Variants in BORCS5 observed in about 807,000 individuals in gnomAD.
BORCS5 encodes BLOC-1-related complex subunit 5.
In BORCS5, 17 loss-of-function variants were observed where a neutral mutation model predicts 22.1. That is an observed-to-expected ratio of 0.77 (90% CI 0.53 to 1.15). The LOEUF (loss-of-function observed/expected upper bound fraction) is 1.15, where lower values mean the gene tolerates loss of function less well. Among genes scored for constraint, BORCS5 ranks in the 50% most tolerant of loss-of-function variants. The pLI is 0.00. For synonymous variants in BORCS5, 117 were observed against 99.8 expected (o/e 1.17, Z -1.03); for missense variants, 247 against 253.2 (o/e 0.98, Z 0.17).
chr12:12,448,533 TTTTTTTTTC>T, intron 3 of BORCS5, among the ~76,000 whole-genome samples: 1 of 149,946 alleles, frequency 6.7e-6, no homozygotes, highest in Middle Eastern at 3.6e-3. Flanking sequence ...AATTCTTTTT[TTTTTTTTTC>T]TTTTTTTTGA....
intron 3 of BORCS5, among the ~76,000 whole-genome samples, chr12:12,445,215 A>T (rs968064841): frequency 1.3e-5 from 2 of 151,844 alleles, no homozygotes; most frequent in South Asian, 4.2e-4. Context: ...TAATTTTTAA[A>T]TTTTTTTGTA....
intron 2 of BORCS5, among the ~76,000 whole-genome samples, chr12:12,421,316 T>C (rs1942116744): frequency 1.3e-5 from 2 of 152,198 alleles, no homozygotes; most frequent in Non-Finnish European, 2.9e-5. Context: ...ATCATGTGTT[T>C]TTTGTGGTCG....
intron 3 of BORCS5, among the ~76,000 whole-genome samples, chr12:12,438,371 AAAAAAAAAACGAAAAAC>A (rs1942604160): frequency 8.5e-6 from 1 of 117,054 alleles, no homozygotes; most frequent in African/African-American, 4.5e-5. Flanking sequence ...AAAAAAAAAA[AAAAAAAAAACGAAAAAC>A]AACAACAAAA....
chr12:12,449,987 T>G (rs1942878393), intron 3 of BORCS5, among the ~76,000 whole-genome samples: 1 of 152,240 alleles, frequency 6.6e-6, no homozygotes, highest in Admixed American at 6.5e-5. Flanking sequence ...TGACACTGAT[T>G]AATGATAGAT....
At chr12:12,442,469 G>A (rs533811919) in intron 3 of BORCS5, among the ~76,000 whole-genome samples, 74 of 152,192 alleles carry the variant, frequency 4.9e-4, no homozygotes, top group Admixed American at 3.3e-4. Context: ...ATTCTTAGAT[G>A]TGTTGATAAG....
At chr12:12,381,638 G>C (rs1347031731) in intron 2 of BORCS5, among the ~76,000 whole-genome samples, 2 of 151,358 alleles carry the variant, frequency 1.3e-5, no homozygotes, top group African/African-American at 4.9e-5. Context: ...ATTTTCTCTT[G>C]TATTACTGCT....
intron 2 of BORCS5, among the ~76,000 whole-genome samples, chr12:12,432,348 G>A (rs533121245): frequency 7.9e-5 from 12 of 152,236 alleles, no homozygotes; most frequent in African/African-American, 2.6e-4. Context: ...CCAAGTTTGC[G>A]TTCCTGGAAA....
chr12:12,463,107 A>G (rs577318247), intron 3 of BORCS5, among the ~76,000 whole-genome samples: 2 of 152,346 alleles, frequency 1.3e-5, no homozygotes, highest in African/African-American at 4.8e-5. Flanking sequence ...ATATATCCCT[A>G]GATTGTCAAA....
At chr12:12,358,342 C>G (rs1863194917) in intron 1 of BORCS5, among the ~76,000 whole-genome samples, 1 of 152,302 alleles carries the variant, frequency 6.6e-6, no homozygotes, top group Admixed American at 6.5e-5. Context: ...CAGAAATAGG[C>G]AAGCTAATAG....
chr12:12,411,780 A>C (rs912329230), intron 2 of BORCS5, among the ~76,000 whole-genome samples: 2 of 152,218 alleles, frequency 1.3e-5, no homozygotes, highest in African/African-American at 4.8e-5. Context: ...CATTTAGGTC[A>C]TGGATTCATT....
At position 12,469,821 on chromosome 12, in the gene BORCS5, C is replaced by T. The variant is rs1047266177; in HGVS notation, c.*4045C>T. The T allele has an allele frequency of 6.6e-6, 1 of 152,204 alleles. No homozygotes were observed. The highest frequency in any genetic ancestry group is 2.4e-5 in the African/African-American group (1 of 41,448). 9.4% of individuals were successfully genotyped at this position (152,204 alleles called of 1,614,324 possible). On this transcript the variant is annotated 3_prime_UTR_variant, in exon 4 of 4. Transcript: ENST00000314565. ...TTAGGGAGAAATGAAAACTTTTCTT[C>T]TTGTGGACTTTTTAGGTATGAAATT...
intron 2 of BORCS5, among the ~76,000 whole-genome samples, chr12:12,385,427 G>A (rs934432504): frequency 6.6e-6 from 1 of 151,308 alleles, no homozygotes; most frequent in African/African-American, 2.4e-5. Flanking sequence ...TCCCATTCTG[G>A]TACAACATCT....
intron 2 of BORCS5, among the ~76,000 whole-genome samples, chr12:12,426,319 C>T (rs1290375070): frequency 6.6e-6 from 1 of 152,216 alleles, no homozygotes; most frequent in African/African-American, 2.4e-5. Flanking sequence ...GTCCTCTCAC[C>T]TCTGCATACC....
intron 3 of BORCS5, among the ~76,000 whole-genome samples, chr12:12,448,826 C>A (rs73063405): frequency 6.6e-6 from 1 of 152,134 alleles, no homozygotes; most frequent in Admixed American, 6.6e-5. Context: ...TGTGCCTGGC[C>A]GTGTCTTCAA....
At chr12:12,367,829 A>G (rs986142455) in intron 2 of BORCS5, among the ~76,000 whole-genome samples, 1 of 152,008 alleles carries the variant, frequency 6.6e-6, no homozygotes, top group Non-Finnish European at 1.5e-5. Context: ...CACTCTTTCC[A>G]TTTGCTGGGA....
chr12:12,435,481 A>G (rs1942534938), intron 2 of BORCS5, 147 bp from the exon 3 acceptor site: 5 of 708,400 alleles, frequency 7.1e-6, no homozygotes, highest in Non-Finnish European at 1.1e-5. Flanking sequence ...CATAAATAAT[A>G]ATTGCAACGA....
chr12:12,415,355 C>T (rs1291795098), intron 2 of BORCS5, among the ~76,000 whole-genome samples: 5 of 149,462 alleles, frequency 3.3e-5, no homozygotes, highest in Admixed American at 6.6e-5. Flanking sequence ...GAGACCAGCC[C>T]GGCCAACACA....
At chr12:12,364,218 A>G (rs1183278178) in intron 2 of BORCS5, among the ~76,000 whole-genome samples, 1 of 151,924 alleles carries the variant, frequency 6.6e-6, no homozygotes. Context: ...TCTACTAAAA[A>G]TACAAAAATT....
At position 12,360,217 on chromosome 12, in the gene BORCS5, C is replaced by A. The variant is rs568484637; in HGVS notation, c.59-989C>A. ...TCTCTACTAAAAATACAAAAATTAGCCAGATGTGGTGGTGCATGCCTGTTG... is the reference window on the plus strand; with the variant it reads ...TCTCTACTAAAAATACAAAAATTAGACAGATGTGGTGGTGCATGCCTGTTG... On this transcript the variant is annotated intron_variant, in intron 1 of 3. Coordinates refer to ENST00000314565, the MANE Select transcript of BORCS5 (RefSeq NM_058169.6). Among the ~76,000 whole-genome samples the A allele has an allele frequency of 3.3e-5, 5 of 152,114 alleles. No homozygotes were observed. The East Asian group carries it at 5.8e-4, about 18-fold the overall frequency.
Sources: gnomAD v4.1 joint callset for allele counts (sites outside exome capture counted in the v4.1 genomes callset) on GRCh38, gnomAD v4.1.1 for gene constraint, MANE v1.5 for transcripts, NCBI Gene and HGNC (gene_info 2026-07-23, HGNC 2026-07-21) for gene names.